The following NEAT1 variants were observed in gnomAD, a reference collection of about 807,000 sequenced individuals.
The protein encoded by NEAT1 is nuclear paraspeckle assembly transcript 1, also known as MENepsilon/beta.
chr11:65,436,570 T>G (rs1001200330), exon 1 of NEAT1: 1 of 152,272 alleles, frequency 6.6e-6, no homozygotes, highest in Non-Finnish European at 1.5e-5. Flanking sequence ...CTGCAGTTTC[T>G]TTCCAGAGAA....
exon 1 of NEAT1, chr11:65,422,958 C>T (rs559741439): frequency 3.9e-5 from 6 of 152,514 alleles, no homozygotes; most frequent in African/African-American, 9.7e-5. Flanking sequence ...GAGACTAGGT[C>T]TAGGGGGACC....
chr11:65,441,527 A>C (rs549067891), exon 1 of NEAT1: 41 of 152,140 alleles, frequency 2.7e-4, no homozygotes, highest in Admixed American at 2.4e-3. Flanking sequence ...TTTCATTATA[A>C]GTCAGTTTTT....
exon 1 of NEAT1, chr11:65,436,884 G>A (rs1473089210): frequency 6.6e-6 from 1 of 152,026 alleles, no homozygotes; most frequent in African/African-American, 2.4e-5. Context: ...GGAATTCTGG[G>A]CACAGCATGT....
exon 1 of NEAT1, chr11:65,436,315 A>G (rs1325873512): frequency 6.6e-6 from 1 of 152,240 alleles, no homozygotes; most frequent in African/African-American, 2.4e-5. Context: ...CAAGGTGACA[A>G]CTGTGTGACC....
exon 1 of NEAT1, chr11:65,444,887 G>A (rs954331647): frequency 4.3e-5 from 10 of 232,638 alleles, no homozygotes; most frequent in East Asian, 2.8e-4. Flanking sequence ...GCAGGCGGGC[G>A]TCTGCGTGAC....
At chr11:65,441,459 C>T (rs1856713427) in exon 1 of NEAT1, 1 of 152,140 alleles carries the variant, frequency 6.6e-6, no homozygotes, top group Admixed American at 6.5e-5. Flanking sequence ...GCCACTGTGC[C>T]CAGCCTTGAA....
At chr11:65,437,339 T>A (rs920189544) in exon 1 of NEAT1, 12 of 151,300 alleles carry the variant, frequency 7.9e-5, no homozygotes, top group Admixed American at 3.3e-4. Context: ...TTAAACCCCA[T>A]GTTTTCTCCT....
chr11:65,427,409 G>C (rs999232420), exon 1 of NEAT1: 10 of 152,382 alleles, frequency 6.6e-5, no homozygotes, highest in African/African-American at 2.4e-4. Flanking sequence ...CAAATGGTGG[G>C]GGATCATGAC....
chr11:65,444,549 G>GCT, exon 1 of NEAT1: 2 of 493,696 alleles, frequency 4.1e-6, no homozygotes, highest in Admixed American at 4.4e-5. Flanking sequence ...AGCCAGGACA[G>GCT]GACTCTCAAA....
exon 1 of NEAT1, chr11:65,441,280 C>T (rs1856711783): frequency 6.6e-6 from 1 of 152,142 alleles, no homozygotes; most frequent in Non-Finnish European, 1.5e-5. Context: ...GTAACACCAG[C>T]TGGGGCTGGC....
chr11:65,433,710 T>A (rs1856633166), exon 1 of NEAT1: 1 of 151,816 alleles, frequency 6.6e-6, no homozygotes. Flanking sequence ...TTCTTTTTTT[T>A]TCTTTATGTG....
At chr11:65,439,446 A>G (rs475967) in exon 1 of NEAT1, 31,801 of 151,844 alleles carry the variant, frequency 0.21, 4,950 homozygotes, top group African/African-American at 0.43. Flanking sequence ...ACTTTGGGAG[A>G]CTGAGGTGGG....
At chr11:65,425,274 C>G (rs1392151054) in exon 1 of NEAT1, 2 of 152,088 alleles carry the variant, frequency 1.3e-5, no homozygotes, top group Admixed American at 6.6e-5. Context: ...TAACTGAAAA[C>G]AGGTGACACA....
At chr11:65,423,962 G>A (rs891349366) in exon 1 of NEAT1, 2 of 152,342 alleles carry the variant, frequency 1.3e-5, no homozygotes, top group African/African-American at 4.8e-5. Flanking sequence ...TGTTACTATA[G>A]TGTTCCTCAT....
exon 1 of NEAT1, chr11:65,427,109 G>A (rs1279812481): frequency 2.0e-5 from 3 of 152,220 alleles, no homozygotes; most frequent in Non-Finnish European, 4.4e-5. Context: ...GTGTGAGCAG[G>A]ATCACGTGGA....
Position 65,432,687 on chromosome 11 carries a change from T to C in NEAT1, n.9890T>C, listed in dbSNP as rs556396047. The stretch of plus-strand genomic sequence containing the variant: ...TTCTTTATGTGTGTGTGTGTGTGTA[T>C]TTTTTTTTTTTTAATTTCAATGGCT... On this transcript the variant is annotated non_coding_transcript_exon_variant, in exon 1 of 1. Transcript: ENST00000501122. The C allele has an allele frequency of 5.7e-5, 8 of 139,540 alleles. 1 individual carries two copies. The South Asian group carries it at 1.8e-3, about 31-fold the overall frequency. 8.6% of individuals were successfully genotyped at this position (139,540 alleles called of 1,614,324 possible). A position where few individuals can be genotyped will look rare whatever the true frequency, so the allele number is the denominator to read the frequency against.
exon 1 of NEAT1, chr11:65,423,333 C>T (rs1856520191): frequency 6.6e-6 from 1 of 152,294 alleles, no homozygotes; most frequent in Admixed American, 6.5e-5. Flanking sequence ...GAGGCCTGGT[C>T]TTGTGGAACT....
At chr11:65,445,055 A>G (rs1182053279) in exon 1 of NEAT1, 2 of 154,472 alleles carry the variant, frequency 1.3e-5, no homozygotes, top group Non-Finnish European at 2.9e-5. Context: ...AGCCATGGGT[A>G]TAAAATGCAA....
exon 1 of NEAT1, chr11:65,432,404 T>C (rs1856620853): frequency 6.6e-6 from 1 of 152,158 alleles, no homozygotes; most frequent in South Asian, 2.1e-4. Context: ...GCACCTATTA[T>C]ACCAGGACTT....
Sources: allele counts gnomAD v4.1 joint callset, GRCh38; gene constraint gnomAD v4.1.1; transcripts MANE v1.5; gene names NCBI Gene and HGNC (gene_info 2026-07-23, HGNC 2026-07-21).